MCC: variants seen among roughly 807,000 people sequenced by gnomAD.
The protein encoded by MCC is MCC regulator of Wnt signaling pathway.
In MCC, 90 loss-of-function variants were observed where a neutral mutation model predicts 116.2. The observed-to-expected ratio is 0.77, with a 90% CI of 0.65 to 0.92. MCC has a LOEUF of 0.92. Among genes scored for constraint, MCC ranks in the 40% least tolerant of loss-of-function variants. The pLI is 0.00. For missense variants in MCC, 1,516 were observed against 1,312.2 expected (o/e 1.16, Z -2.40); for synonymous variants, 578 against 510.5 (o/e 1.13, Z -1.78).
At chr5:113,167,644 T>G (rs1267998871) in intron 3 of MCC, among the ~76,000 whole-genome samples, 2 of 152,162 alleles carry the variant, frequency 1.3e-5, no homozygotes, top group African/African-American at 4.8e-5. Flanking sequence ...ATTTTTATTT[T>G]ATTTTTGAGA....
Position 113,053,378 on chromosome 5 carries a change from G to A in MCC, c.2448+347C>T, listed in dbSNP as rs529027528. ...CCTGCCGGAGTTAACATCAGCATCAGCAACCCAAGACATATTTCCAAGCAT... is the reference window on the plus strand; with the variant it reads ...CCTGCCGGAGTTAACATCAGCATCAACAACCCAAGACATATTTCCAAGCAT... On this transcript the variant is annotated intron_variant, in intron 15 of 18. Transcript: ENST00000408903. Among the ~76,000 whole-genome samples, 64 of 152,250 alleles carry A rather than the reference G, an allele frequency of 4.2e-4. 1 individual carries two copies. In the South Asian group the frequency reaches 0.013, roughly 31 times the overall value.
chr5:113,232,556 G>T (rs752977403), intron 3 of MCC, among the ~76,000 whole-genome samples: 1 of 151,980 alleles, frequency 6.6e-6, no homozygotes, highest in Non-Finnish European at 1.5e-5. Context: ...CAGTTTACTT[G>T]GTAGTTTTTT....
rs201580411 is a variant in MCC, at chr5:113,213,017, G to GT, written c.628-61596dup. On this transcript the variant is annotated intron_variant, in intron 3 of 18. Coordinates refer to ENST00000408903, the MANE Select transcript of MCC (RefSeq NM_001085377.2). Reference sequence around the variant, plus strand: ...CGTTCCTTCTTTCCCAAGTGTACTTGTTTTTTTTGTGTGCGTTTTAAAATT... The same window carrying GT: ...CGTTCCTTCTTTCCCAAGTGTACTTGTTTTTTTTTGTGTGCGTTTTAAAATT... 1.8e-3 allele frequency among the ~76,000 whole-genome samples: 271 copies of GT among 151,888 alleles called. 1 individual carries two copies. The highest frequency in any genetic ancestry group is 6.0e-3 in the African/African-American group (249 of 41,424).
intron 5 of MCC, among the ~76,000 whole-genome samples, chr5:113,131,086 A>G (rs1298414862): frequency 6.6e-6 from 1 of 152,220 alleles, no homozygotes; most frequent in Non-Finnish European, 1.5e-5. Flanking sequence ...GTCAGATGCC[A>G]CACAGCAGCA....
intron 8 of MCC, among the ~76,000 whole-genome samples, chr5:113,088,801 CCTT>C (rs1755384670): frequency 6.6e-6 from 1 of 152,148 alleles, no homozygotes; most frequent in Non-Finnish European, 1.5e-5. Flanking sequence ...TCCAAATACT[CCTT>C]CTTCATTGAA....
rs1756423540 is a variant in MCC at position 113,101,739 on chromosome 5, C to A, written c.1398G>T (p.Arg466Ser). 6.2e-7 allele frequency: 1 copy of A among 1,612,856 alleles called. No individual in the cohort carries two copies. Residue 466 changes from arginine (R) to serine (S), a missense_variant and splice_region_variant, in exon 8 of 19, where the codon AGG becomes AGT. Coordinates refer to ENST00000408903, the MANE Select transcript of MCC (RefSeq NM_001085377.2). ...ACCATTATGGATGCAGCATGCTCAC[C>A]CTCCTCCGGAGCCGGTCCCGCTCTT... ...IREERDRLRRRVRELQTRLQS... is the reference protein window; with the variant it reads ...IREERDRLRRSVRELQTRLQS...
Position 113,022,961 on chromosome 5 carries a change from T to C in MCC, c.*4341A>G, listed in dbSNP as rs1750252322. 1 of 152,198 alleles carries C rather than the reference T, an allele frequency of 6.6e-6. No homozygotes were observed. The highest frequency in any genetic ancestry group is 6.5e-5 in the Admixed American group (1 of 15,280). 9.4% of individuals were successfully genotyped at this position (152,198 alleles called of 1,614,324 possible). A position where few individuals can be genotyped will look rare whatever the true frequency, so the allele number is the denominator to read the frequency against. On this transcript the variant is annotated 3_prime_UTR_variant, in exon 19 of 19. Coordinates refer to ENST00000408903, the MANE Select transcript of MCC (RefSeq NM_001085377.2). Reference sequence around the variant, plus strand: ...AGTGTAACCTTTAAGCAAAAATGTATGGTGATCTGCATGTGAAACTGTCTT... The same window carrying C: ...AGTGTAACCTTTAAGCAAAAATGTACGGTGATCTGCATGTGAAACTGTCTT...
At chr5:113,323,586 G>A (rs1341042976) in intron 3 of MCC, among the ~76,000 whole-genome samples, 1 of 152,182 alleles carries the variant, frequency 6.6e-6, no homozygotes, top group African/African-American at 2.4e-5. Context: ...TTCCTGCAGG[G>A]AAATGGGAAA....
intron 8 of MCC, 70 bp from the exon 9 acceptor site, chr5:113,085,380 A>T: frequency 4.7e-6 from 7 of 1,477,754 alleles, no homozygotes; most frequent in Non-Finnish European, 6.5e-6. Context: ...CCAGATGGGT[A>T]GGTGGTGGGG....
chr5:113,190,341 T>C (rs892419949), intron 3 of MCC, among the ~76,000 whole-genome samples: 1 of 152,002 alleles, frequency 6.6e-6, no homozygotes, highest in Admixed American at 6.5e-5. Context: ...CAAATAGGGG[T>C]GGCAGGCAAT....
intron 3 of MCC, among the ~76,000 whole-genome samples, chr5:113,299,445 AT>A (rs1766802708): frequency 6.7e-6 from 1 of 149,302 alleles, no homozygotes; most frequent in Non-Finnish European, 1.5e-5. Flanking sequence ...ATGTCTTACG[AT>A]TTTTTTTCAC....
chr5:113,409,879 C>T (rs112993702), intron 1 of MCC, among the ~76,000 whole-genome samples: 5,338 of 151,976 alleles, frequency 0.035, 140 homozygotes, highest in African/African-American at 0.069. Flanking sequence ...CATATGCTCA[C>T]TATAAAATTT....
intron 2 of MCC, among the ~76,000 whole-genome samples, chr5:113,369,836 G>A (rs1041829806): frequency 6.6e-6 from 1 of 152,008 alleles, no homozygotes; most frequent in African/African-American, 2.4e-5. Flanking sequence ...CCCTTCCTTA[G>A]GTTTCTTCCA....
intron 1 of MCC, among the ~76,000 whole-genome samples, chr5:113,420,504 T>C (rs998020513): frequency 6.6e-6 from 1 of 152,178 alleles, no homozygotes; most frequent in African/African-American, 2.4e-5. Context: ...TGAAATAAAT[T>C]TTAATATACA....
At chr5:113,438,531 T>C (rs147989515) in intron 1 of MCC, among the ~76,000 whole-genome samples, 1 of 152,152 alleles carries the variant, frequency 6.6e-6, no homozygotes, top group East Asian at 1.9e-4. Flanking sequence ...TTAAAGTGAT[T>C]GTGAGGATTA....
At chr5:113,200,606 C>G (rs927370025) in intron 3 of MCC, among the ~76,000 whole-genome samples, 1 of 152,218 alleles carries the variant, frequency 6.6e-6, no homozygotes, top group African/African-American at 2.4e-5. Context: ...GCACAGCAGA[C>G]TGAGCTGACA....
intron 3 of MCC, among the ~76,000 whole-genome samples, chr5:113,223,674 T>C (rs185767620): frequency 6.6e-6 from 1 of 152,180 alleles, no homozygotes; most frequent in East Asian, 1.9e-4. Context: ...GAAGTCAAAG[T>C]TCCTAGCCTA....
chr5:113,118,772 TAAG>T (rs147808007), intron 6 of MCC, among the ~76,000 whole-genome samples: 2,876 of 152,304 alleles, frequency 0.019, 102 homozygotes, highest in African/African-American at 0.066. Context: ...GGCGAAGGAA[TAAG>T]AAGAGGGAGA....
chr5:113,268,008 T>C (rs1377038226), intron 3 of MCC, among the ~76,000 whole-genome samples: 3 of 152,180 alleles, frequency 2.0e-5, no homozygotes, highest in East Asian at 1.9e-4. Flanking sequence ...CTTCAACTCC[T>C]TTCTGTTCCC....
Sources: allele counts gnomAD v4.1 joint callset (sites outside exome capture counted in the v4.1 genomes callset), GRCh38; gene constraint gnomAD v4.1.1; transcripts MANE v1.5; gene names NCBI Gene and HGNC (gene_info 2026-07-23, HGNC 2026-07-21).